ANTXRL: variants seen among roughly 807,000 people sequenced by gnomAD.
The protein encoded by ANTXRL is anthrax toxin receptor-like.
In ANTXRL, 63 loss-of-function variants were observed where a neutral mutation model predicts 75.4. That is an observed-to-expected ratio of 0.84 (90% CI 0.68 to 1.03). The LOEUF is 1.03. Ranked by LOEUF, ANTXRL falls within the 50% of genes least tolerant of loss-of-function variation. The probability of loss-of-function intolerance (pLI) is 0.00; values close to 1 mark genes in which losing one functional copy is unlikely to be tolerated. For synonymous variants in ANTXRL, 335 were observed against 291.3 expected (o/e 1.15, Z -1.53); for missense variants, 797 against 789.4 (o/e 1.01, Z -0.12).
intron 16 of ANTXRL, among the ~76,000 whole-genome samples, chr10:46,328,295 G>A (rs1348768551): frequency 6.6e-6 from 1 of 152,126 alleles, no homozygotes; most frequent in African/African-American, 2.4e-5. Flanking sequence ...TTGAGAAATG[G>A]GAGAGCTGAG....
chr10:46,309,275 CTG>C, intron 13 of ANTXRL, 73 bp downstream of exon 13: 2 of 1,463,010 alleles, frequency 1.4e-6, no homozygotes, highest in South Asian at 1.2e-5. Context: ...TAACATGTGA[CTG>C]CCCCCCGTGA....
chr10:46,325,140 G>T (rs1554966196), intron 16 of ANTXRL, among the ~76,000 whole-genome samples: 2 of 107,698 alleles, frequency 1.9e-5, no homozygotes, highest in African/African-American at 5.3e-5. Context: ...AGGGTGTTTT[G>T]GGGAGAGTTT....
chr10:46,311,485 C>T (rs1565041475), intron 14 of ANTXRL, 25 bp from the exon 15 acceptor site: 3 of 1,516,104 alleles, frequency 2.0e-6, no homozygotes, highest in Admixed American at 4.0e-5. Context: ...GCACTGTGAG[C>T]AGACAGTTGT....
intron 10 of ANTXRL, 119 bp from the exon 11 acceptor site, chr10:46,306,684 G>A (rs1184391481): frequency 5.3e-5 from 43 of 818,718 alleles, no homozygotes; most frequent in Non-Finnish European, 6.9e-5. Context: ...CAATAGGAAG[G>A]CAGAGCCCAC....
chr10:46,296,742 G>A (rs1276778360), intron 5 of ANTXRL, among the ~76,000 whole-genome samples: 2 of 152,144 alleles, frequency 1.3e-5, no homozygotes, highest in African/African-American at 4.8e-5. Context: ...TGGCTGTGGG[G>A]TCCCCTGCCC....
intron 3 of ANTXRL, 105 bp downstream of exon 3, chr10:46,294,005 A>G (rs1348214597): frequency 4.5e-6 from 5 of 1,108,170 alleles, no homozygotes; most frequent in Non-Finnish European, 6.4e-6. Flanking sequence ...GCCTGACAGC[A>G]CACAGGGCAG....
intron 14 of ANTXRL, among the ~76,000 whole-genome samples, chr10:46,310,856 C>T (rs1838379304): frequency 1.3e-5 from 2 of 152,108 alleles, no homozygotes; most frequent in Admixed American, 6.5e-5. Flanking sequence ...GGGACCTGGC[C>T]CTGTCCCCAG....
At chr10:46,315,390 A>G (rs1198249120) in intron 16 of ANTXRL, among the ~76,000 whole-genome samples, 16 of 152,344 alleles carry the variant, frequency 1.1e-4, no homozygotes, top group African/African-American at 3.1e-4. Flanking sequence ...AGGCAGCCCA[A>G]CTGCAACCGC....
intron 14 of ANTXRL, among the ~76,000 whole-genome samples, chr10:46,311,284 A>C (rs1838407060): frequency 6.6e-6 from 1 of 152,054 alleles, no homozygotes; most frequent in African/African-American, 2.4e-5. Context: ...CTCTTTCAAC[A>C]AGGGCAGCCA....
intron 16 of ANTXRL, among the ~76,000 whole-genome samples, chr10:46,320,363 C>T (rs1838922788): frequency 6.6e-6 from 1 of 152,180 alleles, no homozygotes; most frequent in African/African-American, 2.4e-5. Flanking sequence ...AGCACATTCT[C>T]TACTGACCCA....
intron 9 of ANTXRL, among the ~76,000 whole-genome samples, chr10:46,299,700 G>A (rs1405456496): frequency 6.6e-6 from 1 of 152,200 alleles, no homozygotes; most frequent in Non-Finnish European, 1.5e-5. Flanking sequence ...CACACGACCA[G>A]GAGCAAATTG....
intron 10 of ANTXRL, among the ~76,000 whole-genome samples, chr10:46,303,561 G>C (rs1175508902): frequency 1.3e-5 from 2 of 152,140 alleles, no homozygotes; most frequent in African/African-American, 4.8e-5. Context: ...CATCATGTTG[G>C]TGCTCAAGAA....
intron 9 of ANTXRL, among the ~76,000 whole-genome samples, chr10:46,301,927 C>T (rs1390760576): frequency 6.6e-6 from 1 of 152,184 alleles, no homozygotes; most frequent in Non-Finnish European, 1.5e-5. Flanking sequence ...CCTGCGGGAA[C>T]CCTGGCTGGC....
intron 10 of ANTXRL, among the ~76,000 whole-genome samples, chr10:46,303,103 G>A (rs1194801525): frequency 3.3e-5 from 5 of 152,308 alleles, no homozygotes; most frequent in African/African-American, 1.2e-4. Context: ...GATCACAGCT[G>A]CATCTGCCCA....
chr10:46,289,195 A>T (rs1836882813), intron 1 of ANTXRL, among the ~76,000 whole-genome samples: 1 of 152,136 alleles, frequency 6.6e-6, no homozygotes, highest in African/African-American at 2.4e-5. Context: ...CATTGATTGG[A>T]TTGAGCTGGA....
Position 46,297,457 on chromosome 10 carries a change from G to A in ANTXRL, c.637G>A (p.Asp213Asn). Residue 213 changes from aspartate to asparagine, a missense_variant, in exon 7 of 17, where the codon GAT becomes AAT. Asp to Asn is a conservative substitution (Grantham distance 23). Coordinates refer to ENST00000620264, the MANE Select transcript of ANTXRL (RefSeq NM_001278688.3). ...GANVYTLGVA[D>N]YNLDQITAIA... ...CAACGTTTACACCCTGGGTGTGGCT[G>A]ATTATAATCTGGATCAGGTAATTCC... 6.5e-7 allele frequency: 1 copy of A among 1,535,818 alleles called. No homozygotes were observed. Among genetic ancestry groups the A allele is most frequent in the Non-Finnish European group, 8.7e-7 (1 of 1,146,714 alleles).
intron 1 of ANTXRL, 110 bp from the exon 2 acceptor site, chr10:46,291,947 TG>T: frequency 2.1e-6 from 2 of 964,630 alleles, no homozygotes; most frequent in Non-Finnish European, 3.1e-6. Context: ...TCAGCTGTGC[TG>T]GGGTCAGGAG....
chr10:46,310,345 C>T (rs1554963114), intron 13 of ANTXRL, 116 bp from the exon 14 acceptor site: 2 of 1,003,334 alleles, frequency 2.0e-6, no homozygotes, highest in South Asian at 1.4e-5. Context: ...AGAGTGACAC[C>T]CCAAAGGCAG....
At chr10:46,327,040 A>T (rs185100325) in intron 16 of ANTXRL, among the ~76,000 whole-genome samples, 25 of 152,182 alleles carry the variant, frequency 1.6e-4, no homozygotes, top group Non-Finnish European at 1.5e-5. Flanking sequence ...TGGGACCAGG[A>T]TGCTCCCCTT....
Sources: allele counts gnomAD v4.1 joint callset (sites outside exome capture counted in the v4.1 genomes callset), GRCh38; gene constraint gnomAD v4.1.1; transcripts MANE v1.5; gene names NCBI Gene and HGNC (gene_info 2026-07-23, HGNC 2026-07-21).